TRIM29: variants seen among roughly 807,000 people sequenced by gnomAD.
The protein encoded by TRIM29 is tripartite motif containing 29, also known as tripartite motif-containing protein 29.
In TRIM29, 52 loss-of-function variants were observed where a neutral mutation model predicts 57.3. The observed-to-expected ratio is 0.91, with a 90% CI of 0.73 to 1.14. The LOEUF (loss-of-function observed/expected upper bound fraction) is 1.14, where lower values mean the gene tolerates loss of function less well. Ranked by LOEUF, TRIM29 falls within the 50% of genes most tolerant of loss-of-function variation. The pLI is 0.00. For missense variants in TRIM29, 753 were observed against 774.6 expected, an observed-to-expected ratio of 0.97 and a Z score of 0.33; for synonymous variants, 319 against 316.9, an observed-to-expected ratio of 1.01 and a Z score of -0.07.
intron 4 of TRIM29, chr11:120,123,353 G>C (rs1863509210): frequency 1.7e-6 from 1 of 582,084 alleles, no homozygotes; most frequent in Non-Finnish European, 3.2e-6. Flanking sequence ...TGCTATTAAT[G>C]CCCATTTCTT....
intron 1 of TRIM29, among the ~76,000 whole-genome samples, chr11:120,129,542 G>A (rs1361275336): frequency 2.0e-5 from 3 of 152,190 alleles, no homozygotes; most frequent in African/African-American, 7.2e-5. Context: ...CAAAAGAATA[G>A]TCAAGGTGAG....
rs562007282 is a variant in TRIM29 at position 120,111,668 on chromosome 11, T to C, written c.*746A>G. 1 of 152,246 alleles carries C rather than the reference T, an allele frequency of 6.6e-6. No individual in the cohort carries two copies. Among genetic ancestry groups the C allele is most frequent in the Non-Finnish European group, 1.5e-5 (1 of 68,064 alleles). The allele number at this position is 152,246 out of a possible 1,614,324, so 9.4% of individuals were successfully genotyped here. ...AGTAGCTATTTGCATGGGTGGATTA[T>C]ATCATGTTAAGGGAATTCTTTATCT... On this transcript the variant is annotated 3_prime_UTR_variant, in exon 9 of 9. Coordinates refer to ENST00000341846, the MANE Select transcript of TRIM29 (RefSeq NM_012101.4).
At chr11:120,135,738 G>T (rs1863803157) in intron 1 of TRIM29, among the ~76,000 whole-genome samples, 1 of 152,178 alleles carries the variant, frequency 6.6e-6, no homozygotes, top group South Asian at 2.1e-4. Flanking sequence ...CTGTCCAGGG[G>T]TGTGGGTGAG....
chr11:120,112,501 G>T, intron 8 of TRIM29, 25 bp from the exon 9 acceptor site: 1 of 1,613,522 alleles, frequency 6.2e-7, no homozygotes, highest in East Asian at 2.2e-5. Context: ...AGAGTGGTCA[G>T]CGAGGCCAGA....
chr11:120,125,938 T>C (rs767900741), intron 3 of TRIM29, 49 bp from the exon 4 acceptor site: 9 of 1,580,474 alleles, frequency 5.7e-6, no homozygotes, highest in South Asian at 1.1e-5. Flanking sequence ...TCATGAGCTA[T>C]GAGGACGCTT....
chr11:120,136,126 T>C (rs902226468), intron 1 of TRIM29, among the ~76,000 whole-genome samples: 5 of 151,978 alleles, frequency 3.3e-5, no homozygotes, highest in Non-Finnish European at 7.4e-5. Context: ...CATGCAAACA[T>C]CCACAAAGGC....
intron 1 of TRIM29, among the ~76,000 whole-genome samples, chr11:120,133,741 G>A (rs1863762795): frequency 6.6e-6 from 1 of 152,252 alleles, no homozygotes; most frequent in African/African-American, 2.4e-5. Context: ...GCAGCCAGTG[G>A]CTCAGCTTTT....
At chr11:120,115,183 G>C (rs891216803) in intron 8 of TRIM29, among the ~76,000 whole-genome samples, 155 bp downstream of exon 8, 1 of 152,224 alleles carries the variant, frequency 6.6e-6, no homozygotes, top group Non-Finnish European at 1.5e-5. Flanking sequence ...CCTCTGCTGT[G>C]TACAGGTATT....
Position 120,137,653 on chromosome 11 carries a change from G to T in TRIM29, c.379C>A (p.Leu127Met). 6.2e-7 allele frequency: 1 copy of T among 1,613,714 alleles called. No homozygotes were observed. The change falls in exon 1 of 9, where the codon CTG becomes ATG. Residue 127 changes from leucine (L) to methionine (M), a missense_variant. Leu to Met is a conservative substitution (Grantham distance 15). Coordinates refer to ENST00000341846, the MANE Select transcript of TRIM29 (RefSeq NM_012101.4). This position sits in a 1 kb window ranked among gnomAD's most constrained non-coding sequence, Gnocchi z 6.2. ...PPVTFAEKGE[L>M]RKSIFSESRK... The stretch of plus-strand genomic sequence containing the variant: ...GACTCCGAGAAAATGGACTTGCGCA[G>T]CTCGCCCTTTTCGGCAAAGGTAACG...
At position 120,112,137 on chromosome 11, in the gene TRIM29, C is replaced by T. The variant is rs1863149598; in HGVS notation, c.*277G>A. ...GGAGGCTGGCGGGTTAGGGCAGGCC[C>T]CAACCTATCTCACCCCTGTGATGGG... On this transcript the variant is annotated 3_prime_UTR_variant, in exon 9 of 9. Transcript: ENST00000341846. 1 of 421,804 alleles carries T rather than the reference C, an allele frequency of 2.4e-6. No homozygotes were observed. Among genetic ancestry groups the T allele is most frequent in the Admixed American group, 4.2e-5 (1 of 23,742 alleles). The allele number at this position is 421,804 out of a possible 1,614,324, so 26.1% of individuals were successfully genotyped here.
At chr11:120,126,652 C>G (rs1309720984) in intron 3 of TRIM29, among the ~76,000 whole-genome samples, 2 of 152,178 alleles carry the variant, frequency 1.3e-5, no homozygotes, top group Middle Eastern at 3.2e-3. Context: ...TCCTAACCGG[C>G]CTCCAAGACC....
At chr11:120,114,079 G>A (rs1863205544) in intron 8 of TRIM29, among the ~76,000 whole-genome samples, 1 of 152,158 alleles carries the variant, frequency 6.6e-6, no homozygotes, top group Non-Finnish European at 1.5e-5. Context: ...GCTGGGGCCA[G>A]CCCCCAGGGA....
rs1280414006 is a variant in TRIM29 at position 120,125,849 on chromosome 11, G to C, written c.1175C>G (p.Pro392Arg). ...CAGCAGGACATGATAGGTGGGCAGG[G>C]GTGGGGGGAGAGAGTAATTGCTCAT... ...ALMSNYSLPPPLPTYHVLLEG... is the reference protein window; with the variant it reads ...ALMSNYSLPPRLPTYHVLLEG... The change falls in exon 4 of 9, where the codon CCC becomes CGC. Residue 392 changes from proline (P) to arginine (R), a missense_variant. Transcript: ENST00000341846. 1 of 1,614,092 alleles carries C rather than the reference G, an allele frequency of 6.2e-7. No homozygotes were observed. The highest frequency in any genetic ancestry group is 8.5e-7 in the Non-Finnish European group (1 of 1,179,978).
chr11:120,113,520 G>A, intron 8 of TRIM29: 2 of 418,422 alleles, frequency 4.8e-6, no homozygotes, highest in South Asian at 3.4e-5. Flanking sequence ...GACATCATTT[G>A]CCCCTCACAC....
chr11:120,112,402 T>C lies in TRIM29; in HGVS notation c.*12A>G, dbSNP rs781299417. On this transcript the variant is annotated 3_prime_UTR_variant, in exon 9 of 9. Transcript: ENST00000341846. Reference sequence around the variant, plus strand: ...AGCAGGGGTGTGGCGCCTCGTTCCTTCCGCCAGGAGCTCATGGGGCTTCGT... The same window carrying C: ...AGCAGGGGTGTGGCGCCTCGTTCCTCCCGCCAGGAGCTCATGGGGCTTCGT... 6.2e-7 allele frequency: 1 copy of C among 1,613,454 alleles called. No individual in the cohort carries two copies. The highest frequency in any genetic ancestry group is 8.5e-7 in the Non-Finnish European group (1 of 1,179,644).
At chr11:120,125,186 G>T (rs753876714) in intron 4 of TRIM29, 5 of 160,648 alleles carry the variant, frequency 3.1e-5, no homozygotes, top group Non-Finnish European at 6.9e-5. Flanking sequence ...CCCCAGCCCA[G>T]CTCAACAGGC....
intron 7 of TRIM29, chr11:120,116,158 G>A (rs889542607): frequency 2.0e-5 from 3 of 152,304 alleles, no homozygotes; most frequent in Non-Finnish European, 2.9e-5. Context: ...GCCACCCAGG[G>A]TTAGGATGGC....
rs780959243 is a variant in TRIM29 at position 120,122,163 on chromosome 11, T to TGTGTGTGTGTGTGA, written c.1435+790_1435+791insTCACACACACACAC. On this transcript the variant is annotated intron_variant, in intron 5 of 8. Transcript: ENST00000341846. ...GTGTGTGTGTGTGTGTGTGTGTGTGTGAAAGACGTGTGTGAATTACTGATT... is the reference window on the plus strand; with the variant it reads ...GTGTGTGTGTGTGTGTGTGTGTGTGTGTGTGTGTGTGTGAGAAAGACGTGTGTGAATTACTGATT... Among the ~76,000 whole-genome samples, 59 of 148,974 alleles carry TGTGTGTGTGTGTGA rather than the reference T, an allele frequency of 4.0e-4. 2 individuals are homozygous for TGTGTGTGTGTGTGA. The East Asian group carries it at 5.4e-3, about 14-fold the overall frequency.
chr11:120,123,516 C>A, intron 4 of TRIM29: 1 of 451,618 alleles, frequency 2.2e-6, no homozygotes, highest in Non-Finnish European at 4.5e-6. Flanking sequence ...GGGTTCAGTC[C>A]CAGCCACTGC....
Sources: gnomAD v4.1 joint callset for allele counts (sites outside exome capture counted in the v4.1 genomes callset) on GRCh38, gnomAD v4.1.1 for gene constraint, Gnocchi (gnomAD v3.1) non-coding constraint, MANE v1.5 for transcripts, NCBI Gene and HGNC (gene_info 2026-07-23, HGNC 2026-07-21) for gene names.